TECRL: variants seen among roughly 807,000 people sequenced by gnomAD.
The protein encoded by TECRL is trans-2,3-enoyl-CoA reductase like.
A neutral mutation model predicts 52.8 loss-of-function variants in TECRL; 63 were observed. That is an observed-to-expected ratio of 1.19 (90% CI 0.97 to 1.47). The LOEUF is 1.47. TECRL is among the 40% of genes most tolerant of loss of function. The pLI is 0.00. For synonymous variants in TECRL, 164 were observed against 141.9 expected (o/e 1.16, Z -1.10); for missense variants, 482 against 429.6 (o/e 1.12, Z -1.08).
At chr4:64,313,233 C>A (rs1297634363) in intron 5 of TECRL, among the ~76,000 whole-genome samples, 1 of 151,452 alleles carries the variant, frequency 6.6e-6, no homozygotes, top group African/African-American at 2.4e-5. Flanking sequence ...ATCCATATGA[C>A]CTAAATACTT....
intron 1 of TECRL, among the ~76,000 whole-genome samples, chr4:64,399,587 G>T (rs1337554614): frequency 6.6e-6 from 1 of 152,098 alleles, no homozygotes; most frequent in African/African-American, 2.4e-5. Flanking sequence ...TGGTTTCCTG[G>T]GCCAGGTTTT....
rs559155919 is a variant in TECRL, at chr4:64,367,444, T to A, written c.286+7728A>T. Reference sequence around the variant, plus strand: ...ATTTTAAAACTAATGCAATCATTAATACATTCCAGAATGTCTTTCAATTTG... The same window carrying A: ...ATTTTAAAACTAATGCAATCATTAAAACATTCCAGAATGTCTTTCAATTTG... On this transcript the variant is annotated intron_variant, in intron 2 of 11. Transcript: ENST00000381210. 2.0e-5 allele frequency among the ~76,000 whole-genome samples: 3 copies of A among 152,276 alleles called. No homozygotes were observed. In the South Asian group the frequency reaches 6.2e-4, roughly 32 times the overall value.
intron 4 of TECRL, among the ~76,000 whole-genome samples, chr4:64,321,599 T>C (rs909885793): frequency 6.6e-6 from 1 of 152,178 alleles, no homozygotes; most frequent in Admixed American, 6.5e-5. Flanking sequence ...CTAAATATCA[T>C]ATTAACATTT....
intron 1 of TECRL, among the ~76,000 whole-genome samples, chr4:64,385,708 T>C (rs751115080): frequency 7.9e-5 from 12 of 152,188 alleles, no homozygotes; most frequent in Non-Finnish European, 1.5e-4. Flanking sequence ...CAGCAGCTAA[T>C]TTGAGTCTTA....
At chr4:64,378,153 G>A (rs894841982) in intron 1 of TECRL, among the ~76,000 whole-genome samples, 2 of 152,046 alleles carry the variant, frequency 1.3e-5, no homozygotes, top group African/African-American at 4.8e-5. Flanking sequence ...GCCAAATGCA[G>A]GTTTCCTACG....
intron 1 of TECRL, among the ~76,000 whole-genome samples, chr4:64,393,485 T>C (rs905151895): frequency 4.6e-5 from 7 of 152,042 alleles, no homozygotes; most frequent in African/African-American, 1.7e-4. Context: ...CAAAATTAAT[T>C]GTATAATAAT....
At chr4:64,325,800 C>A (rs1380293100) in intron 3 of TECRL, among the ~76,000 whole-genome samples, 2 of 152,078 alleles carry the variant, frequency 1.3e-5, no homozygotes, top group Non-Finnish European at 2.9e-5. Flanking sequence ...TTGCCAACTT[C>A]AAAGAACAGA....
chr4:64,344,325 G>T (rs1719799295), intron 2 of TECRL, among the ~76,000 whole-genome samples: 1 of 151,676 alleles, frequency 6.6e-6, no homozygotes, highest in Non-Finnish European at 1.5e-5. Context: ...ATTGATATAT[G>T]GTAGATAGAT....
At chr4:64,396,775 T>C (rs1183501180) in intron 1 of TECRL, among the ~76,000 whole-genome samples, 1 of 152,188 alleles carries the variant, frequency 6.6e-6, no homozygotes, top group Non-Finnish European at 1.5e-5. Flanking sequence ...TCCAGGGCTT[T>C]TACAGTTTTA....
At chr4:64,400,224 T>A (rs1724258213) in intron 1 of TECRL, among the ~76,000 whole-genome samples, 1 of 152,152 alleles carries the variant, frequency 6.6e-6, no homozygotes, top group African/African-American at 2.4e-5. Context: ...TTCTACTAGG[T>A]TTTGGACTTG....
At chr4:64,392,973 A>G (rs1172290848) in intron 1 of TECRL, among the ~76,000 whole-genome samples, 1 of 151,926 alleles carries the variant, frequency 6.6e-6, no homozygotes, top group Admixed American at 6.6e-5. Flanking sequence ...GTTATATACT[A>G]GTCACTCTAC....
In TECRL at chr4:64,307,740, C is replaced by G. The variant is rs530214843; in HGVS notation, c.657+2086G>C. Among the ~76,000 whole-genome samples the G allele has an allele frequency of 3.3e-5, 5 of 152,238 alleles. No homozygotes were observed. The East Asian group carries it at 9.7e-4, about 30-fold the overall frequency. ...ATTTAACCCATGTATATAAAGTGTT[C>G]TAAAAGGATGATATGTTACTCTTAA... is the stretch of plus-strand genomic sequence containing the variant. On this transcript the variant is annotated intron_variant, in intron 6 of 11. Coordinates refer to ENST00000381210, the MANE Select transcript of TECRL (RefSeq NM_001010874.5).
At chr4:64,309,443 T>A (rs897957684) in intron 6 of TECRL, among the ~76,000 whole-genome samples, 1 of 152,148 alleles carries the variant, frequency 6.6e-6, no homozygotes, top group Non-Finnish European at 1.5e-5. Flanking sequence ...TATTGACAAC[T>A]GCCATAATAA....
intron 1 of TECRL, among the ~76,000 whole-genome samples, chr4:64,401,490 C>G (rs1724358519): frequency 1.3e-5 from 2 of 152,150 alleles, no homozygotes; most frequent in Admixed American, 1.3e-4. Flanking sequence ...GACTCTCATA[C>G]TCATAACTAA....
At chr4:64,404,151 G>T (rs928779237) in intron 1 of TECRL, among the ~76,000 whole-genome samples, 1 of 138,182 alleles carries the variant, frequency 7.2e-6, no homozygotes, top group Non-Finnish European at 1.5e-5. Flanking sequence ...ACTATTAGAA[G>T]AATTAGAGAA....
chr4:64,359,437 C>T (rs1721018500), intron 2 of TECRL, among the ~76,000 whole-genome samples: 2 of 151,704 alleles, frequency 1.3e-5, no homozygotes, highest in Non-Finnish European at 2.9e-5. Flanking sequence ...ACTATATTTT[C>T]AAATAGTTAT....
chr4:64,409,265 A>T lies in TECRL; in HGVS notation c.87T>A (p.Asp29Glu), dbSNP rs571536825. ...TTGACAAAAAGTGAAAATTTCTCATATCATCCTTCAGTATGAACCGTGTAG... is the reference window on the plus strand; with the variant it reads ...TTGACAAAAAGTGAAAATTTCTCATTTCATCCTTCAGTATGAACCGTGTAG... Reference protein sequence around the residue: ...QRATRFILKDDMRNFHFLSKL... With the variant: ...QRATRFILKDEMRNFHFLSKL... Residue 29 changes from aspartate to glutamate, a missense_variant, in exon 1 of 12, where the codon GAT (aspartate) becomes GAA (glutamate). Asp to Glu is a conservative substitution (Grantham distance 45, BLOSUM62 2). Coordinates refer to ENST00000381210, the MANE Select transcript of TECRL (RefSeq NM_001010874.5). The T allele has an allele frequency of 6.2e-7, 1 of 1,613,782 alleles. No individual in the cohort carries two copies. The highest frequency in any genetic ancestry group is 1.1e-5 in the South Asian group (1 of 91,086).
At chr4:64,376,869 C>A (rs1165523707) in intron 1 of TECRL, among the ~76,000 whole-genome samples, 1 of 151,832 alleles carries the variant, frequency 6.6e-6, no homozygotes, top group Admixed American at 6.6e-5. Flanking sequence ...TCATGTAGTA[C>A]ACCACAGAGC....
intron 2 of TECRL, among the ~76,000 whole-genome samples, chr4:64,370,301 T>C (rs890686898): frequency 2.0e-5 from 3 of 151,750 alleles, no homozygotes; most frequent in African/African-American, 7.3e-5. Context: ...ACTTTGTAGG[T>C]TTTAGAAATA....
Sources: allele counts gnomAD v4.1 joint callset (sites outside exome capture counted in the v4.1 genomes callset), GRCh38; gene constraint gnomAD v4.1.1; transcripts MANE v1.5; gene names NCBI Gene and HGNC (gene_info 2026-07-23, HGNC 2026-07-21).